The following WWOX variants were observed in gnomAD, a reference collection of about 807,000 sequenced individuals.
WWOX encodes WW domain containing oxidoreductase.
WWOX carries 69 observed loss-of-function variants against 46.2 expected under a neutral mutation model. That is an observed-to-expected ratio of 1.49 (90% CI 1.23 to 1.82). The LOEUF (loss-of-function observed/expected upper bound fraction) is 1.82, where lower values mean the gene tolerates loss of function less well. Among genes scored for constraint, WWOX ranks in the 40% most tolerant of loss-of-function variants. WWOX has a pLI of 0.00. For missense variants in WWOX, 919 were observed against 542.6 expected, an observed-to-expected ratio of 1.69 and a Z score of -6.89; for synonymous variants, 359 against 202.6, an observed-to-expected ratio of 1.77 and a Z score of -6.56.
intron 8 of WWOX, among the ~76,000 whole-genome samples, chr16:78,830,064 C>G (rs1311983220): frequency 6.6e-6 from 1 of 151,910 alleles, no homozygotes; most frequent in African/African-American, 2.4e-5. Context: ...TCAAGACCAG[C>G]CTGGGTAACA....
At chr16:78,646,670 C>T (rs990307722) in intron 8 of WWOX, among the ~76,000 whole-genome samples, 9 of 152,152 alleles carry the variant, frequency 5.9e-5, no homozygotes, top group East Asian at 1.9e-4. Context: ...TCAGGTGATC[C>T]GCCCTACTGG....
At chr16:78,757,513 A>T (rs1445698065) in intron 8 of WWOX, among the ~76,000 whole-genome samples, 2 of 152,142 alleles carry the variant, frequency 1.3e-5, no homozygotes, top group Non-Finnish European at 2.9e-5. Flanking sequence ...GAGACAGCTA[A>T]ATTTTACAGG....
At chr16:78,939,830 G>C (rs1021085088) in intron 8 of WWOX, among the ~76,000 whole-genome samples, 1 of 151,982 alleles carries the variant, frequency 6.6e-6, no homozygotes, top group South Asian at 2.1e-4. Flanking sequence ...CTTCATCAAG[G>C]TGACATAGGT....
chr16:78,513,531 T>G (rs2085414083), intron 8 of WWOX, among the ~76,000 whole-genome samples: 1 of 152,176 alleles, frequency 6.6e-6, no homozygotes, highest in South Asian at 2.1e-4. Flanking sequence ...GAATTCCACC[T>G]TGGGTTCAAT....
At chr16:78,656,046 T>C (rs1037162620) in intron 8 of WWOX, among the ~76,000 whole-genome samples, 2 of 152,136 alleles carry the variant, frequency 1.3e-5, no homozygotes, top group Non-Finnish European at 2.9e-5. Flanking sequence ...TGTTTTGAAA[T>C]GGGGGTGTGG....
chr16:78,817,242 T>G (rs1323132505), intron 8 of WWOX, among the ~76,000 whole-genome samples: 1 of 131,216 alleles, frequency 7.6e-6, no homozygotes, highest in Non-Finnish European at 1.6e-5. Context: ...ATAGGGAAGC[T>G]TAGCCAACTG....
chr16:78,401,435 C>G (rs897022053), intron 6 of WWOX, among the ~76,000 whole-genome samples: 1 of 152,088 alleles, frequency 6.6e-6, no homozygotes, highest in African/African-American at 2.4e-5. Flanking sequence ...AACTATGTAG[C>G]TTTGTGTAGC....
chr16:78,609,520 T>G (rs2045846978), intron 8 of WWOX, among the ~76,000 whole-genome samples: 1 of 150,782 alleles, frequency 6.6e-6, no homozygotes, highest in Admixed American at 6.6e-5. Context: ...CCTCTGAGGT[T>G]TTTTTTTTTC....
intron 6 of WWOX, among the ~76,000 whole-genome samples, chr16:78,411,442 G>C (rs951031779): frequency 6.6e-6 from 1 of 152,100 alleles, no homozygotes; most frequent in Non-Finnish European, 1.5e-5. Context: ...ATTTGACAGA[G>C]GGAATGGCAC....
rs1345581335 is a variant in WWOX, at chr16:78,139,527, C to G, written c.409+24373C>G. Among the ~76,000 whole-genome samples, 3 of 152,242 alleles carry G rather than the reference C, an allele frequency of 2.0e-5. No individual in the cohort carries two copies. In the East Asian group the frequency reaches 5.8e-4, roughly 30 times the overall value. On this transcript the variant is annotated intron_variant, in intron 4 of 8. Coordinates refer to ENST00000566780, the MANE Select transcript of WWOX (RefSeq NM_016373.4). ...GGGCGTACTGGCAGGCGCCTATAATCCCAGCTACTCGGGAGGCTGAGGCAG... is the reference window on the plus strand; with the variant it reads ...GGGCGTACTGGCAGGCGCCTATAATGCCAGCTACTCGGGAGGCTGAGGCAG...
At chr16:79,094,743 A>C (rs1316890232) in intron 8 of WWOX, among the ~76,000 whole-genome samples, 1 of 152,146 alleles carries the variant, frequency 6.6e-6, no homozygotes, top group Non-Finnish European at 1.5e-5. Flanking sequence ...TGGAATGAGG[A>C]ATAACAACCT....
At chr16:79,058,182 C>T (rs1029864279) in intron 8 of WWOX, among the ~76,000 whole-genome samples, 9 of 150,954 alleles carry the variant, frequency 6.0e-5, no homozygotes, top group African/African-American at 2.2e-4. Context: ...AGAGTGTGTA[C>T]CTGTATAGAG....
At chr16:78,503,611 C>T (rs957364250) in intron 8 of WWOX, 1 of 152,080 alleles carries the variant, frequency 6.6e-6, no homozygotes, top group African/African-American at 2.4e-5. Flanking sequence ...ATTTCCACAC[C>T]ATTAGAAATA....
chr16:78,769,132 A>C (rs1056830937), intron 8 of WWOX, among the ~76,000 whole-genome samples: 2 of 152,242 alleles, frequency 1.3e-5, no homozygotes, highest in African/African-American at 4.8e-5. Flanking sequence ...TGGTATTCCA[A>C]ATAATTGGTG....
chr16:78,403,562 C>T (rs12102499), intron 6 of WWOX, among the ~76,000 whole-genome samples: 1 of 152,060 alleles, frequency 6.6e-6, no homozygotes, highest in Non-Finnish European at 1.5e-5. Flanking sequence ...TCCCCACTTA[C>T]CAAGTGGGTA....
At chr16:78,274,985 T>G (rs1380905937) in intron 5 of WWOX, among the ~76,000 whole-genome samples, 1 of 152,154 alleles carries the variant, frequency 6.6e-6, no homozygotes, top group Non-Finnish European at 1.5e-5. Context: ...GTGCTTCTGG[T>G]TCATGAATCC....
At chr16:78,728,055 CTTTT>C (rs758484198) in intron 8 of WWOX, among the ~76,000 whole-genome samples, 17 of 86,806 alleles carry the variant, frequency 2.0e-4, no homozygotes, top group African/African-American at 3.5e-4. Flanking sequence ...TCCCTCCTTC[CTTTT>C]TTTTTTTTTT....
intron 8 of WWOX, among the ~76,000 whole-genome samples, chr16:78,786,649 A>T (rs1184577845): frequency 6.6e-6 from 1 of 152,198 alleles, no homozygotes; most frequent in African/African-American, 2.4e-5. Context: ...ATCAAAATCT[A>T]ATTTTAGAGT....
At chr16:78,194,611 A>G (rs2035990886) in intron 5 of WWOX, among the ~76,000 whole-genome samples, 2 of 146,786 alleles carry the variant, frequency 1.4e-5, no homozygotes, top group Admixed American at 1.4e-4. Flanking sequence ...AAAAAGATTT[A>G]TGTCAAGAAT....
Sources: allele counts gnomAD v4.1 joint callset (sites outside exome capture counted in the v4.1 genomes callset), GRCh38; gene constraint gnomAD v4.1.1; transcripts MANE v1.5; gene names NCBI Gene and HGNC (gene_info 2026-07-23, HGNC 2026-07-21).